Variants in CCDC125 observed in about 807,000 individuals in gnomAD.
The protein encoded by CCDC125 is coiled-coil domain-containing protein 125.
Under a neutral mutation model 57.4 loss-of-function variants are expected in CCDC125, and 43 were observed. The ratio of observed to expected loss-of-function variants is 0.75; its 90% CI spans 0.59 to 0.97. The LOEUF is 0.97. Among genes scored for constraint, CCDC125 ranks in the 50% least tolerant of loss-of-function variants. The probability of loss-of-function intolerance (pLI) is 0.00; values close to 1 mark genes in which losing one functional copy is unlikely to be tolerated. For synonymous variants in CCDC125, 187 were observed against 195.2 expected, an observed-to-expected ratio of 0.96 and a Z score of 0.35; for missense variants, 563 against 595.7, an observed-to-expected ratio of 0.95 and a Z score of 0.57.
chr5:69,307,860 A>G, intron 5 of CCDC125, 91 bp downstream of exon 5: 1 of 943,692 alleles, frequency 1.1e-6, no homozygotes, highest in South Asian at 1.3e-5. Context: ...AGGTAGGCAC[A>G]AGTGACAGAT....
chr5:69,320,608 A>G, intron 1 of CCDC125, 28 bp from the exon 2 acceptor site: 1 of 1,037,940 alleles, frequency 9.6e-7, no homozygotes, highest in Non-Finnish European at 1.4e-6. Context: ...AGTAGTTAGG[A>G]AAACATCAGT....
intron 3 of CCDC125, among the ~76,000 whole-genome samples, chr5:69,311,640 A>G (rs931265883): frequency 6.8e-6 from 1 of 147,686 alleles, no homozygotes; most frequent in African/African-American, 2.5e-5. Context: ...TGACAGCAAG[A>G]CTCTGTCTCA....
chr5:69,302,420 CA>C (rs70992918), intron 7 of CCDC125, among the ~76,000 whole-genome samples: 191 of 30,728 alleles, frequency 6.2e-3, no homozygotes, highest in African/African-American at 0.032. Context: ...GACTCCATCT[CA>C]AAAAAAAAAA....
At chr5:69,279,067 C>G (rs899399165), downstream of CCDC125, among the ~76,000 whole-genome samples, 2 of 151,880 alleles carry the variant, frequency 1.3e-5, no homozygotes, top group African/African-American at 2.4e-5. Flanking sequence ...GCTCACAGTT[C>G]TGTAGGCCAT....
intron 2 of CCDC125, among the ~76,000 whole-genome samples, chr5:69,317,913 C>G (rs1759372424): frequency 6.6e-6 from 1 of 150,728 alleles, no homozygotes; most frequent in Admixed American, 6.6e-5. Flanking sequence ...GGTGGGAGGA[C>G]TGCTTGAGGT....
At chr5:69,294,116 A>G in intron 9 of CCDC125, 5 of 982,540 alleles carry the variant, frequency 5.1e-6, no homozygotes, top group Non-Finnish European at 6.0e-6. Context: ...CTGCTGTTCA[A>G]ATACATTCCA....
intron 10 of CCDC125, among the ~76,000 whole-genome samples, chr5:69,291,212 T>C (rs1344843611): frequency 6.6e-6 from 1 of 152,190 alleles, no homozygotes; most frequent in Non-Finnish European, 1.5e-5. Context: ...TACAGAATAA[T>C]ACTGATGAAT....
At chr5:69,273,075 AT>A in the CCDC125 span, 1 of 1,386,456 alleles carries the variant, frequency 7.2e-7, no homozygotes, top group African/African-American at 1.4e-5. Context: ...ACTAGGAAAT[AT>A]AAAAATAATC....
chr5:69,277,394 T>G (rs1198829885), downstream of CCDC125: 1 of 334,734 alleles, frequency 3.0e-6, no homozygotes, highest in Non-Finnish European at 5.5e-6. Flanking sequence ...TAGGGAAAAC[T>G]TAATAAAAAT....
intron 2 of CCDC125, among the ~76,000 whole-genome samples, chr5:69,317,491 C>G (rs560117498): frequency 6.6e-6 from 1 of 151,830 alleles, no homozygotes; most frequent in Non-Finnish European, 1.5e-5. Flanking sequence ...CGAGCTACCA[C>G]GTATTTTTGT....
At chr5:69,301,018 A>G (rs980288737) in intron 7 of CCDC125, among the ~76,000 whole-genome samples, 2 of 144,716 alleles carry the variant, frequency 1.4e-5, no homozygotes, top group Non-Finnish European at 3.0e-5. Flanking sequence ...TAACCTCCCA[A>G]TCAGCCAGGA....
rs1752496954 is a variant in CCDC125 at position 69,281,786 on chromosome 5, TAGCCAAGCTAAGATCCCTATAGTCA to T, written c.*918_*942del. ...AAGATACATTGCTATATTGTTGATT[TAGCCAAGCTAAGATCCCTATAGTCA>T]ATCAAAATAGTTAAATAATTTTTTG... is the stretch of plus-strand genomic sequence containing the variant. On this transcript the variant is annotated 3_prime_UTR_variant, in exon 12 of 12. Coordinates refer to ENST00000396496, the MANE Select transcript of CCDC125 (RefSeq NM_176816.5). 1 of 152,218 alleles carries T rather than the reference TAGCCAAGCTAAGATCCCTATAGTCA, an allele frequency of 6.6e-6. No homozygotes were observed. The highest frequency in any genetic ancestry group is 2.4e-5 in the African/African-American group (1 of 41,466). 9.4% of individuals were successfully genotyped at this position (152,218 alleles called of 1,614,324 possible). A position where few individuals can be genotyped will look rare whatever the true frequency, so the allele number is the denominator to read the frequency against.
At chr5:69,273,257 C>T in the CCDC125 span, among the ~76,000 whole-genome samples, 14 of 151,926 alleles carry the variant, frequency 9.2e-5, no homozygotes, top group Admixed American at 5.3e-4. Flanking sequence ...GGAGAGTTTA[C>T]ACTTATTACA....
At position 69,287,263 on chromosome 5, in the gene CCDC125, A is replaced by ATT. The variant is rs11331460; in HGVS notation, c.1100-1798_1100-1797dup. On this transcript the variant is annotated intron_variant, in intron 10 of 11. Coordinates refer to ENST00000396496, the MANE Select transcript of CCDC125 (RefSeq NM_176816.5). ...TATAAAAGCTGTGCGAGATTAATCA[A>ATT]TTTTTTTTTTTTTTTTTGAGATGGA... Among the ~76,000 whole-genome samples, 351 of 140,990 alleles carry ATT rather than the reference A, an allele frequency of 2.5e-3. 1 individual carries two copies. Among genetic ancestry groups the ATT allele is most frequent in the Middle Eastern group, 3.8e-3 (1 of 262 alleles). The allele number at this position is 140,990 out of a possible 152,430, so 92.5% of individuals were successfully genotyped here. A position where few individuals can be genotyped will look rare whatever the true frequency, so the allele number is the denominator to read the frequency against.
intron 4 of CCDC125, 76 bp downstream of exon 4, chr5:69,311,042 G>T: frequency 2.1e-6 from 2 of 930,650 alleles, no homozygotes; most frequent in African/African-American, 1.7e-5. Flanking sequence ...CTTCTGCCTT[G>T]GTTTTAAAAG....
Position 69,294,890 on chromosome 5 carries a change from A to G in CCDC125, c.827T>C (p.Leu276Pro). Reference sequence around the variant, plus strand: ...GGGCCCATGACAAAGGCAGGCTCCGAGGACCGCAAGCTTTAAATTGAAAAG... The same window carrying G: ...GGGCCCATGACAAAGGCAGGCTCCGGGGACCGCAAGCTTTAAATTGAAAAG... ...AEASGLELAV[L>P]GACLCHGPGG... The change falls in exon 9 of 12, where the codon CTC becomes CCC. Residue 276 changes from leucine (L) to proline (P), a missense_variant. By Grantham distance (98) the Leu-to-Pro change is moderately conservative. Transcript: ENST00000396496. 1 of 1,613,362 alleles carries G rather than the reference A, an allele frequency of 6.2e-7. No homozygotes were observed. The highest frequency in any genetic ancestry group is 2.2e-5 in the East Asian group (1 of 44,878).
In CCDC125 at chr5:69,282,878, C is replaced by T; in HGVS notation, c.1387G>A (p.Glu463Lys). ...PFNNPWRKTS[E>K]FSVLGDPIHS... is the part of the protein sequence containing the mutation. Reference sequence around the variant, plus strand: ...ATAGGATCACCCAAAACAGAGAATTCTGAAGTCTTACGCCAGGGGTTGTTG... The same window carrying T: ...ATAGGATCACCCAAAACAGAGAATTTTGAAGTCTTACGCCAGGGGTTGTTG... The change falls in exon 12 of 12, where the codon GAA becomes AAA. Residue 463 changes from glutamate to lysine, a missense_variant. Transcript: ENST00000396496. The T allele has an allele frequency of 6.2e-7, 1 of 1,614,118 alleles. No individual in the cohort carries two copies.
chr5:69,299,156 C>T (rs1352638747), intron 8 of CCDC125, among the ~76,000 whole-genome samples: 1 of 150,996 alleles, frequency 6.6e-6, no homozygotes. Flanking sequence ...TTCGCCCAGG[C>T]CAGACTGCAG....
At chr5:69,312,265 G>C (rs192315273) in intron 3 of CCDC125, among the ~76,000 whole-genome samples, 5 of 152,330 alleles carry the variant, frequency 3.3e-5, no homozygotes, top group African/African-American at 9.6e-5. Context: ...GCTAGGAAGA[G>C]GCAAAGGACT....
Sources: gnomAD v4.1 joint callset for allele counts (sites outside exome capture counted in the v4.1 genomes callset) on GRCh38, gnomAD v4.1.1 for gene constraint, MANE v1.5 for transcripts, NCBI Gene and HGNC (gene_info 2026-07-23, HGNC 2026-07-21) for gene names.